FCHSD1: variants seen among roughly 807,000 people sequenced by gnomAD.
The protein encoded by FCHSD1 is FCH and double SH3 domains 1, also known as F-BAR and double SH3 domains protein 1.
A neutral mutation model predicts 101.3 loss-of-function variants in FCHSD1; 109 were observed. The ratio of observed to expected loss-of-function variants is 1.08; its 90% CI spans 0.92 to 1.26. The LOEUF is 1.26. Ranked by LOEUF, FCHSD1 falls within the 50% of genes most tolerant of loss-of-function variation. The probability of loss-of-function intolerance (pLI) is 0.00; values close to 1 mark genes in which losing one functional copy is unlikely to be tolerated. For missense variants in FCHSD1, 820 were observed against 895.8 expected (o/e 0.92, Z 1.08); for synonymous variants, 291 against 356.8 (o/e 0.82, Z 2.08).
rs2099907677 is a variant in FCHSD1, at chr5:141,646,523, A to G, written c.1044+80T>C. 1.8e-5 allele frequency: 27 copies of G among 1,521,106 alleles called. No individual in the cohort carries two copies. The Admixed American group carries it at 5.5e-4, about 31-fold the overall frequency. The allele number at this position is 1,521,106 out of a possible 1,614,324, so 94.2% of individuals were successfully genotyped here. A position where few individuals can be genotyped will look rare whatever the true frequency, so the allele number is the denominator to read the frequency against. On this transcript the variant is annotated intron_variant, in intron 11 of 19. Transcript: ENST00000435817. ...CCCTCTGTAGCTCCATGACACCCTC[A>G]ATGGCTCCAAGATCCCCTCTCTCAG...
chr5:141,641,040 G>A lies in FCHSD1; in HGVS notation c.*458C>T, dbSNP rs1032186620. 8.5e-6 allele frequency: 3 copies of A among 354,564 alleles called. No homozygotes were observed. Among genetic ancestry groups the A allele is most frequent in the African/African-American group, 6.3e-5 (3 of 47,844 alleles). 22.0% of individuals were successfully genotyped at this position (354,564 alleles called of 1,614,324 possible). On this transcript the variant is annotated 3_prime_UTR_variant, in exon 20 of 20. Coordinates refer to ENST00000435817, the MANE Select transcript of FCHSD1 (RefSeq NM_033449.3). ...CTGGCCTTCGTGCCCTTTATTCATT[G>A]TCAATAAATCCGCTCAGACCATTAC... is the stretch of plus-strand genomic sequence containing the variant.
At chr5:141,646,292 T>C in intron 11 of FCHSD1, 101 bp from the exon 12 acceptor site, 2 of 1,144,694 alleles carry the variant, frequency 1.7e-6, no homozygotes, top group Non-Finnish European at 2.5e-6. Flanking sequence ...CATTATGTCA[T>C]TTAATCTTCC....
chr5:141,639,731 C>A lies in FCHSD1; in HGVS notation c.*1767G>T. On this transcript the variant is annotated 3_prime_UTR_variant, in exon 20 of 20. Transcript: ENST00000435817. This position sits in a 1 kb window ranked among gnomAD's most constrained non-coding sequence, Gnocchi z 4.4. Reference sequence around the variant, plus strand: ...ACCTGATCCCAAAAGTGGGCCTTGGCTCTTTCCTCCTGGACTGGGAGCTCC... The same window carrying A: ...ACCTGATCCCAAAAGTGGGCCTTGGATCTTTCCTCCTGGACTGGGAGCTCC... 7.1e-7 allele frequency: 1 copy of A among 1,404,830 alleles called. No individual in the cohort carries two copies. 87.0% of individuals were successfully genotyped at this position (1,404,830 alleles called of 1,614,324 possible).
rs779943843 is a variant in FCHSD1 at position 141,650,390 on chromosome 5, T to C, written c.134A>G (p.Gln45Arg). 6.2e-7 allele frequency: 1 copy of C among 1,613,812 alleles called. No homozygotes were observed. Residue 45 changes from glutamine (Q) to arginine (R), a missense_variant, in exon 3 of 20, where the codon CAG becomes CGG. Coordinates refer to ENST00000435817, the MANE Select transcript of FCHSD1 (RefSeq NM_033449.3). ...ATACTCCCGTTCAATGGCTGCCCTC[T>C]GCTTGCTGTAGGATCTGCGGAGATT... ...LLEDIRSYSKQRAAIEREYGQ... is the reference protein window; with the variant it reads ...LLEDIRSYSKRRAAIEREYGQ...
At chr5:141,648,921 C>T in intron 7 of FCHSD1, 36 bp downstream of exon 7, 1 of 1,612,762 alleles carries the variant, frequency 6.2e-7, no homozygotes, top group Non-Finnish European at 8.5e-7. Context: ...CTGCCTCCCT[C>T]TTCCCTGCCC....
At position 141,639,503 on chromosome 5, in the gene FCHSD1, CCAT is replaced by C. The variant is rs779865975; in HGVS notation, c.*1992_*1994del. ...CCAGCCTGCAGGACGGAGCCCCCTC[CCAT>C]CATCACACAGTGCACCTGGGCTCTG... is the stretch of plus-strand genomic sequence containing the variant. On this transcript the variant is annotated 3_prime_UTR_variant, in exon 20 of 20. Coordinates refer to ENST00000435817, the MANE Select transcript of FCHSD1 (RefSeq NM_033449.3). This position sits in a 1 kb window ranked among gnomAD's most constrained non-coding sequence, Gnocchi z 4.4. The C allele has an allele frequency of 6.3e-5, 101 of 1,613,980 alleles. No homozygotes were observed. Among genetic ancestry groups the C allele is most frequent in the Admixed American group, 2.7e-4 (16 of 60,010 alleles).
intron 1 of FCHSD1, 22 bp from the exon 2 acceptor site, chr5:141,651,139 G>A (rs1336937237): frequency 1.3e-6 from 2 of 1,565,390 alleles, no homozygotes; most frequent in Non-Finnish European, 8.7e-7. Context: ...AAGAGAGGAT[G>A]AAGACCCCAG....
chr5:141,647,551 C>T, intron 8 of FCHSD1, 31 bp from the exon 9 acceptor site: 1 of 1,610,348 alleles, frequency 6.2e-7, no homozygotes, highest in Non-Finnish European at 8.5e-7. Context: ...CTGACACCAC[C>T]CTTCCCCCAG....
At position 141,642,095 on chromosome 5, in the gene FCHSD1, T is replaced by G. The variant is rs1410841692; in HGVS notation, c.1952-338A>C. ...TTGGGGTGGTGGAGATGGTGGTAAC[T>G]CCAGGGAGGGAGACTCCTTGTGGAC... On this transcript the variant is annotated intron_variant, in intron 18 of 19. Coordinates refer to ENST00000435817, the MANE Select transcript of FCHSD1 (RefSeq NM_033449.3). 9.7e-6 allele frequency: 5 copies of G among 515,108 alleles called. No individual in the cohort carries two copies. In the Admixed American group the frequency reaches 1.0e-4, roughly 11 times the overall value. The allele number at this position is 515,108 out of a possible 1,614,324, so 31.9% of individuals were successfully genotyped here.
chr5:141,641,616 G>A, intron 19 of FCHSD1, 53 bp from the exon 20 acceptor site: 2 of 1,604,164 alleles, frequency 1.2e-6, no homozygotes, highest in Non-Finnish European at 1.7e-6. Context: ...GGGTATCCCT[G>A]TCTATTCCCT....
At chr5:141,647,339 A>T (rs2099907783) in intron 9 of FCHSD1, 59 bp downstream of exon 9, 5 of 1,572,066 alleles carry the variant, frequency 3.2e-6, no homozygotes, top group Non-Finnish European at 4.3e-6. Flanking sequence ...AGAGGGCTGC[A>T]TTGGGAGGGA....
At position 141,649,769 on chromosome 5, in the gene FCHSD1, C is replaced by G; in HGVS notation, c.233+118G>C. On this transcript the variant is annotated intron_variant, in intron 4 of 19. Transcript: ENST00000435817. The surrounding 1 kb of genome is among the most constrained non-coding windows in gnomAD (Gnocchi z 4.1). ...AGCTCCTCTGCTGCTGCTGTGTCAGCTCTACCTACAGCTCACGTGCCTTCC... is the reference window on the plus strand; with the variant it reads ...AGCTCCTCTGCTGCTGCTGTGTCAGGTCTACCTACAGCTCACGTGCCTTCC... 1 of 1,295,548 alleles carries G rather than the reference C, an allele frequency of 7.7e-7. No homozygotes were observed. The highest frequency in any genetic ancestry group is 1.1e-6 in the Non-Finnish European group (1 of 948,202). The allele number at this position is 1,295,548 out of a possible 1,614,324, so 80.3% of individuals were successfully genotyped here.
chr5:141,647,655 C>A, intron 8 of FCHSD1, 135 bp from the exon 9 acceptor site: 1 of 1,392,238 alleles, frequency 7.2e-7, no homozygotes. Flanking sequence ...TGAGAAAGGC[C>A]CTCGTGTGCA....
intron 15 of FCHSD1, 22 bp downstream of exon 15, chr5:141,644,837 G>A (rs1562387086): frequency 6.2e-7 from 1 of 1,611,870 alleles, no homozygotes; most frequent in Non-Finnish European, 8.5e-7. Flanking sequence ...CCCAAGGTCA[G>A]AGCCCGGGGT....
chr5:141,643,134 T>C, intron 17 of FCHSD1, 46 bp from the exon 18 acceptor site: 1 of 1,354,474 alleles, frequency 7.4e-7, no homozygotes, highest in Non-Finnish European at 9.7e-7. Flanking sequence ...TGTGGGGAGG[T>C]TTTACCAGCT....
At position 141,640,871 on chromosome 5, in the gene FCHSD1, G is replaced by A. The variant is rs1480728982; in HGVS notation, c.*627C>T. 1 of 592,272 alleles carries A rather than the reference G, an allele frequency of 1.7e-6. No individual in the cohort carries two copies. The highest frequency in any genetic ancestry group is 2.8e-5 in the East Asian group (1 of 35,618). The allele number at this position is 592,272 out of a possible 1,614,324, so 36.7% of individuals were successfully genotyped here. A position where few individuals can be genotyped will look rare whatever the true frequency, so the allele number is the denominator to read the frequency against. On this transcript the variant is annotated 3_prime_UTR_variant, in exon 20 of 20. Coordinates refer to ENST00000435817, the MANE Select transcript of FCHSD1 (RefSeq NM_033449.3). ...TCTTCTCCTTCCCCTGCCTGCAACA[G>A]GCTGCCTGCCCCGCCTTCCCCAACA...
At position 141,639,800 on chromosome 5, in the gene FCHSD1, C is replaced by T. The variant is rs1357585354; in HGVS notation, c.*1698G>A. 3.2e-5 allele frequency: 41 copies of T among 1,292,714 alleles called. No individual in the cohort carries two copies. Among genetic ancestry groups the T allele is most frequent in the Non-Finnish European group, 3.9e-5 (36 of 912,022 alleles). 80.1% of individuals were successfully genotyped at this position (1,292,714 alleles called of 1,614,324 possible). A position where few individuals can be genotyped will look rare whatever the true frequency, so the allele number is the denominator to read the frequency against. On this transcript the variant is annotated 3_prime_UTR_variant, in exon 20 of 20. Coordinates refer to ENST00000435817, the MANE Select transcript of FCHSD1 (RefSeq NM_033449.3). This position sits in a 1 kb window ranked among gnomAD's most constrained non-coding sequence, Gnocchi z 4.4. ...CAATGTGCCCCACAATCTGAGAAGG[C>T]CTCCCCTACCTTAGGCCAGAGGGAA...
intron 9 of FCHSD1, 37 bp downstream of exon 9, chr5:141,647,361 G>A (rs774747591): frequency 1.5e-5 from 23 of 1,574,266 alleles, no homozygotes; most frequent in Middle Eastern, 2.0e-4. Context: ...GGGTAAAAAG[G>A]ATCCCCGGGG....
rs1185107051 is a variant in FCHSD1, at chr5:141,649,836, G to T, written c.233+51C>A. 6 of 1,525,626 alleles carry T rather than the reference G, an allele frequency of 3.9e-6. No homozygotes were observed. In the African/African-American group the frequency reaches 8.4e-5, roughly 21 times the overall value. 94.5% of individuals were successfully genotyped at this position (1,525,626 alleles called of 1,614,324 possible). On this transcript the variant is annotated intron_variant, in intron 4 of 19. Transcript: ENST00000435817. This position sits in a 1 kb window ranked among gnomAD's most constrained non-coding sequence, Gnocchi z 4.1. ...CATCCCCACAGGTTCCTGGGGCTGA[G>T]CTCCCCATCACTTTTTGGCCTCTGT... is the stretch of plus-strand genomic sequence containing the variant.
Sources: allele counts gnomAD v4.1 joint callset, GRCh38; gene constraint gnomAD v4.1.1; non-coding constraint Gnocchi (gnomAD v3.1); transcripts MANE v1.5; gene names NCBI Gene and HGNC (gene_info 2026-07-23, HGNC 2026-07-21).